The following SMARCC1 variants were observed in gnomAD, a reference collection of about 807,000 sequenced individuals.
SMARCC1 encodes SWI/SNF related BAF chromatin remodeling complex subunit C1.
A neutral mutation model predicts 147.4 loss-of-function variants in SMARCC1; 43 were observed. That is an observed-to-expected ratio of 0.29 (90% confidence interval 0.23 to 0.38). The LOEUF is 0.38. Ranked by LOEUF, SMARCC1 falls within the 10% of genes least tolerant of loss-of-function variation. The pLI is 1.00. For synonymous variants in SMARCC1, 495 were observed against 484.4 expected (o/e 1.02, Z -0.29); for missense variants, 1,119 against 1,381.1 (o/e 0.81, Z 3.01).
At chr3:47,745,060 G>A (rs1032817639) in intron 3 of SMARCC1, among the ~76,000 whole-genome samples, 1 of 152,128 alleles carries the variant, frequency 6.6e-6, no homozygotes, top group Non-Finnish European at 1.5e-5. Context: ...CTGAGGTCAG[G>A]AGTTCGAGAC....
rs59776566 is a variant in SMARCC1, at chr3:47,598,825, CAAAAAAAAAAAAAAAAAA to C, written c.3044-8006_3044-7989del. 5.8e-5 allele frequency among the ~76,000 whole-genome samples: 4 copies of C among 68,992 alleles called. No individual in the cohort carries two copies. In the East Asian group the frequency reaches 1.3e-3, roughly 23 times the overall value. The allele number at this position is 68,992 out of a possible 152,430, so 45.3% of individuals were successfully genotyped here. ...CCTGGGCTACAGAGGGACTCTGTCT[CAAAAAAAAAAAAAAAAAA>C]AAAAAAAAGAGAGAGAGAGACACAC... is the stretch of plus-strand genomic sequence containing the variant. On this transcript the variant is annotated intron_variant, in intron 26 of 27. Coordinates refer to ENST00000254480, the MANE Select transcript of SMARCC1 (RefSeq NM_003074.4).
chr3:47,773,641 T>C lies in SMARCC1; in HGVS notation c.196-705A>G, dbSNP rs187171537. On this transcript the variant is annotated intron_variant, in intron 1 of 27. Coordinates refer to ENST00000254480, the MANE Select transcript of SMARCC1 (RefSeq NM_003074.4). ...AATACTCTCAAAAAATTTTTTTTCT[T>C]TTTTTTTGAGACAGAGTCTTGTTTT... is the stretch of plus-strand genomic sequence containing the variant. 3.8e-4 allele frequency among the ~76,000 whole-genome samples: 58 copies of C among 151,974 alleles called. 2 individuals are homozygous for C. Among genetic ancestry groups the C allele is most frequent in the Admixed American group, 3.5e-3 (53 of 15,206 alleles).
intron 3 of SMARCC1, among the ~76,000 whole-genome samples, chr3:47,741,168 G>A (rs1463532736): frequency 2.0e-5 from 3 of 152,022 alleles, no homozygotes; most frequent in South Asian, 2.1e-4. Flanking sequence ...ACAATCCTAC[G>A]AGACAACTGT....
intron 26 of SMARCC1, among the ~76,000 whole-genome samples, chr3:47,595,163 G>T (rs1050900676): frequency 5.3e-5 from 8 of 152,160 alleles, no homozygotes; most frequent in African/African-American, 1.7e-4. Context: ...ACATCTGGCG[G>T]TTCTCACTTT....
intron 11 of SMARCC1, among the ~76,000 whole-genome samples, chr3:47,697,148 G>A (rs1035906272): frequency 2.6e-5 from 4 of 152,156 alleles, no homozygotes; most frequent in Non-Finnish European, 4.4e-5. Flanking sequence ...TGGCAAGACC[G>A]TGTCTCTACA....
At chr3:47,741,507 CAT>C in intron 3 of SMARCC1, among the ~76,000 whole-genome samples, 1 of 150,814 alleles carries the variant, frequency 6.6e-6, no homozygotes, top group East Asian at 2.0e-4. Flanking sequence ...GAGGTCTATT[CAT>C]ATGTGGATTT....
chr3:47,777,644 C>CA (rs1224566269), intron 1 of SMARCC1, among the ~76,000 whole-genome samples: 1 of 151,978 alleles, frequency 6.6e-6, no homozygotes, highest in African/African-American at 2.4e-5. Context: ...TCTCCTGCCT[C>CA]AGTCTCCTGA....
chr3:47,686,018 C>T, intron 14 of SMARCC1, 31 bp downstream of exon 14: 1 of 1,607,456 alleles, frequency 6.2e-7, no homozygotes, highest in Non-Finnish European at 8.5e-7. Context: ...CTGCTCAGTA[C>T]CATGCTCACA....
chr3:47,779,870 T>C (rs1559671550), intron 1 of SMARCC1, among the ~76,000 whole-genome samples: 1 of 152,218 alleles, frequency 6.6e-6, no homozygotes, highest in Non-Finnish European at 1.5e-5. Flanking sequence ...CTAAAAGGAA[T>C]GTAATAAAGA....
intron 21 of SMARCC1, among the ~76,000 whole-genome samples, chr3:47,658,540 C>T (rs1017578796): frequency 1.3e-5 from 2 of 152,210 alleles, no homozygotes; most frequent in African/African-American, 2.4e-5. Flanking sequence ...TGGCTATTTT[C>T]ACTGGCTTTT....
At chr3:47,732,680 C>T (rs1024303641) in intron 5 of SMARCC1, among the ~76,000 whole-genome samples, 3 of 152,108 alleles carry the variant, frequency 2.0e-5, no homozygotes, top group African/African-American at 4.8e-5. Flanking sequence ...AGAGAAGTGG[C>T]CAGTCAGTGA....
intron 2 of SMARCC1, among the ~76,000 whole-genome samples, chr3:47,765,841 T>C (rs1266566376): frequency 6.6e-6 from 1 of 152,050 alleles, no homozygotes; most frequent in Non-Finnish European, 1.5e-5. Flanking sequence ...CTAGCAGTTC[T>C]CCTGCCTCAG....
At chr3:47,675,014 T>C (rs2033551515) in intron 18 of SMARCC1, among the ~76,000 whole-genome samples, 1 of 152,150 alleles carries the variant, frequency 6.6e-6, no homozygotes, top group Non-Finnish European at 1.5e-5. Context: ...AAATTACAGG[T>C]GTGAGCCACC....
At chr3:47,636,872 A>G (rs2032977944) in intron 22 of SMARCC1, among the ~76,000 whole-genome samples, 1 of 151,332 alleles carries the variant, frequency 6.6e-6, no homozygotes, top group Non-Finnish European at 1.5e-5. Context: ...AAGAATTAAG[A>G]GCATTTAAAT....
intron 7 of SMARCC1, among the ~76,000 whole-genome samples, chr3:47,717,893 T>C (rs2034177076): frequency 6.6e-6 from 1 of 151,906 alleles, no homozygotes; most frequent in Non-Finnish European, 1.5e-5. Context: ...AGGAACTGTT[T>C]GGGTTTTTTT....
chr3:47,660,642 T>C (rs1422870574), intron 21 of SMARCC1, among the ~76,000 whole-genome samples: 1 of 152,124 alleles, frequency 6.6e-6, no homozygotes, highest in Non-Finnish European at 1.5e-5. Context: ...ACATATTATA[T>C]GATTCTGTTT....
intron 10 of SMARCC1, 55 bp from the exon 11 acceptor site, chr3:47,701,457 C>CA (rs1170896955): frequency 6.6e-7 from 1 of 1,514,526 alleles, no homozygotes; most frequent in Non-Finnish European, 9.1e-7. Context: ...CTACTGATAG[C>CA]AAACAGTTTC....
chr3:47,652,286 G>C (rs1476253655), intron 21 of SMARCC1, among the ~76,000 whole-genome samples: 1 of 152,070 alleles, frequency 6.6e-6, no homozygotes, highest in Admixed American at 6.6e-5. Flanking sequence ...GGGTTTTGTT[G>C]GCATTCAGTG....
At chr3:47,664,779 G>C (rs1156410777) in intron 19 of SMARCC1, among the ~76,000 whole-genome samples, 3 of 152,064 alleles carry the variant, frequency 2.0e-5, no homozygotes, top group Non-Finnish European at 4.4e-5. Context: ...AGTGCTGCTG[G>C]TATCTAACAG....
Sources: gnomAD v4.1 joint callset for allele counts (sites outside exome capture counted in the v4.1 genomes callset) on GRCh38, gnomAD v4.1.1 for gene constraint, MANE v1.5 for transcripts, NCBI Gene and HGNC (gene_info 2026-07-23, HGNC 2026-07-21) for gene names.